Variants in GNAL observed in about 807,000 individuals in gnomAD.
GNAL encodes G protein subunit alpha L.
In GNAL, 18 loss-of-function variants were observed where a neutral mutation model predicts 55.1. The observed-to-expected ratio is 0.33, with a 90% CI of 0.23 to 0.48. The LOEUF is 0.48. Among genes scored for constraint, GNAL ranks in the 20% least tolerant of loss-of-function variants. The pLI is 0.99. For missense variants in GNAL, 412 were observed against 614.1 expected, an observed-to-expected ratio of 0.67 and a Z score of 3.48; for synonymous variants, 253 against 237.0, an observed-to-expected ratio of 1.07 and a Z score of -0.62.
intron 1 of GNAL, among the ~76,000 whole-genome samples, chr18:11,734,205 G>A (rs1226068741): frequency 6.7e-6 from 1 of 149,070 alleles, no homozygotes; most frequent in Non-Finnish European, 1.5e-5. Flanking sequence ...GTGCAGTGGC[G>A]CGATCTCAGC....
intron 4 of GNAL, among the ~76,000 whole-genome samples, chr18:11,803,956 G>A (rs1366192564): frequency 1.3e-5 from 2 of 150,964 alleles, no homozygotes; most frequent in Non-Finnish European, 3.0e-5. Context: ...AAGTACAGGT[G>A]CAGTTTGGAT....
At chr18:11,800,081 G>GT (rs1425544655) in intron 4 of GNAL, among the ~76,000 whole-genome samples, 1 of 152,110 alleles carries the variant, frequency 6.6e-6, no homozygotes, top group Non-Finnish European at 1.5e-5. Context: ...GGCACGTGCT[G>GT]TTTTTTCCCA....
At chr18:11,862,945 C>T (rs556399530) in intron 6 of GNAL, among the ~76,000 whole-genome samples, 65 of 148,928 alleles carry the variant, frequency 4.4e-4, no homozygotes, top group African/African-American at 1.5e-3. Flanking sequence ...ATGTTGCAAT[C>T]TCTGCTCACT....
intron 5 of GNAL, among the ~76,000 whole-genome samples, chr18:11,835,144 G>A (rs985626602): frequency 6.6e-6 from 1 of 152,154 alleles, no homozygotes; most frequent in Non-Finnish European, 1.5e-5. Context: ...TAAGATTTCT[G>A]TTTCATTGGA....
intron 4 of GNAL, among the ~76,000 whole-genome samples, chr18:11,792,938 A>G (rs2034277007): frequency 6.6e-6 from 1 of 152,224 alleles, no homozygotes; most frequent in East Asian, 1.9e-4. Context: ...TTTTCCAATA[A>G]AAAGTTGTGG....
chr18:11,771,604 C>G (rs1223917000), intron 4 of GNAL, among the ~76,000 whole-genome samples: 2 of 151,970 alleles, frequency 1.3e-5, no homozygotes, highest in African/African-American at 4.8e-5. Flanking sequence ...TGGTGCTATC[C>G]CAGGGAAGGT....
intron 9 of GNAL, among the ~76,000 whole-genome samples, chr18:11,871,245 TTTTC>T (rs1480056993): frequency 5.4e-5 from 8 of 149,144 alleles, no homozygotes; most frequent in Non-Finnish European, 8.9e-5. Context: ...GTGTGTGGGT[TTTTC>T]TTTCTTTTTT....
Position 11,689,822 on chromosome 18 carries a change from G to C in GNAL, c.259G>C (p.Glu87Gln), listed in dbSNP as rs1017262747. Residue 87 changes from glutamate to glutamine, a missense_variant, in exon 1 of 12, where the codon GAG (glutamate) becomes CAG (glutamine). Physicochemically the swap from Glu to Gln is conservative, Grantham distance 29. Around this residue, in one of 5 missense-constraint regions of GNAL, gnomAD observed 228 missense variants for 194.8 expected, o/e 1.17. Transcript: ENST00000334049. ...CGAGCAGCTGAGTGCCGAGGAGCGC[G>C]AGGCGGCCAAGGAGCGCGAGGCGGT... Reference protein sequence around the residue: ...RTEQLSAEEREAAKEREAVKE... With the variant: ...RTEQLSAEERQAAKEREAVKE... 13 of 1,537,812 alleles carry C rather than the reference G, an allele frequency of 8.5e-6. No individual in the cohort carries two copies. Among genetic ancestry groups the C allele is most frequent in the South Asian group, 1.2e-5 (1 of 83,128 alleles).
intron 4 of GNAL, among the ~76,000 whole-genome samples, chr18:11,786,703 G>A (rs1444104962): frequency 6.6e-6 from 1 of 150,790 alleles, no homozygotes; most frequent in Non-Finnish European, 1.5e-5. Flanking sequence ...TGCCCACCTC[G>A]GCCTCCCAAA....
At chr18:11,694,481 G>T (rs985663235) in intron 1 of GNAL, among the ~76,000 whole-genome samples, 2 of 152,318 alleles carry the variant, frequency 1.3e-5, no homozygotes, top group South Asian at 4.1e-4. Flanking sequence ...TTAATTTTTA[G>T]ATGGAGCATG....
intron 4 of GNAL, among the ~76,000 whole-genome samples, chr18:11,788,450 CCA>C (rs1491017087): frequency 6.6e-6 from 1 of 152,140 alleles, no homozygotes; most frequent in Non-Finnish European, 1.5e-5. Context: ...AAGTGTGCCC[CCA>C]CCCCATTTTC....
At chr18:11,726,075 A>T (rs9960175) in intron 1 of GNAL, among the ~76,000 whole-genome samples, 10 of 152,034 alleles carry the variant, frequency 6.6e-5, no homozygotes, top group African/African-American at 2.2e-4. Flanking sequence ...TATTTCTGTG[A>T]GTCTATTTCT....
At chr18:11,782,043 G>A (rs748034017) in intron 4 of GNAL, among the ~76,000 whole-genome samples, 1 of 152,212 alleles carries the variant, frequency 6.6e-6, no homozygotes, top group Non-Finnish European at 1.5e-5. Flanking sequence ...TTGGCCAGGC[G>A]CAGTGGCTCA....
intron 1 of GNAL, among the ~76,000 whole-genome samples, chr18:11,708,327 G>A (rs1328636971): frequency 6.6e-6 from 1 of 152,094 alleles, no homozygotes; most frequent in Non-Finnish European, 1.5e-5. Context: ...GCATAGGGAG[G>A]GCCCAGGAAA....
At chr18:11,726,576 T>C (rs944213113) in intron 1 of GNAL, among the ~76,000 whole-genome samples, 7 of 152,330 alleles carry the variant, frequency 4.6e-5, no homozygotes, top group Non-Finnish European at 7.3e-5. Flanking sequence ...TCTCCATGTT[T>C]ATCCTGGGAT....
intron 5 of GNAL, among the ~76,000 whole-genome samples, chr18:11,855,582 C>A (rs1253586616): frequency 1.3e-5 from 2 of 152,132 alleles, no homozygotes; most frequent in African/African-American, 2.4e-5. Flanking sequence ...AAAGCTGTTT[C>A]TTGCTGAAGG....
At chr18:11,861,908 ACACCACATACTCGCTCT>A (rs2036150704) in intron 5 of GNAL, among the ~76,000 whole-genome samples, 1 of 151,542 alleles carries the variant, frequency 6.6e-6, no homozygotes, top group Non-Finnish European at 1.5e-5. Context: ...TTACTCTTGC[ACACCACATACTCGCTCT>A]CCACACTCAG....
chr18:11,721,807 A>G lies in GNAL; in HGVS notation c.377-31046A>G, dbSNP rs906700304. On this transcript the variant is annotated intron_variant, in intron 1 of 11. Coordinates refer to ENST00000334049, the MANE Select transcript of GNAL (RefSeq NM_182978.4). ...GGTGATCTGCCCACCTTGGCCTTGA[A>G]CCCTGGAGGTGCAGGTTGTGGCGAG... Among the ~76,000 whole-genome samples, 4 of 151,770 alleles carry G rather than the reference A, an allele frequency of 2.6e-5. No homozygotes were observed. In the South Asian group the frequency reaches 8.3e-4, roughly 32 times the overall value.
intron 1 of GNAL, among the ~76,000 whole-genome samples, chr18:11,693,805 C>T (rs1210310080): frequency 6.9e-6 from 1 of 145,788 alleles, no homozygotes; most frequent in Non-Finnish European, 1.5e-5. Context: ...TCACTTGAGG[C>T]CAGAAGTTGA....
Sources: gnomAD v4.1 joint callset for allele counts (sites outside exome capture counted in the v4.1 genomes callset) on GRCh38, gnomAD v4.1.1 for gene constraint, gnomAD v4.1.1 regional missense constraint, MANE v1.5 for transcripts, NCBI Gene and HGNC (gene_info 2026-07-23, HGNC 2026-07-21) for gene names.